The following HDAC4 variants were observed in gnomAD, a reference collection of about 807,000 sequenced individuals.
The protein encoded by HDAC4 is histone deacetylase 4, also known as histone deacetylase A.
A neutral mutation model predicts 135.1 loss-of-function variants in HDAC4; 16 were observed. That is an observed-to-expected ratio of 0.12 (90% confidence interval 0.08 to 0.18). HDAC4 has a LOEUF of 0.18. Among genes scored for constraint, HDAC4 ranks in the 10% least tolerant of loss-of-function variants. HDAC4 has a pLI of 1.00. For synonymous variants in HDAC4, 685 were observed against 653.4 expected, an observed-to-expected ratio of 1.05 and a Z score of -0.74; for missense variants, 1,143 against 1,511.8, an observed-to-expected ratio of 0.76 and a Z score of 4.05.
At chr2:239,289,001 C>A (rs934651909) in intron 2 of HDAC4, among the ~76,000 whole-genome samples, 1 of 152,196 alleles carries the variant, frequency 6.6e-6, no homozygotes, top group South Asian at 2.1e-4. Flanking sequence ...CAGGGGAGTG[C>A]GGCTGCAGCG....
intron 19 of HDAC4, among the ~76,000 whole-genome samples, chr2:239,084,562 C>A (rs1559394243): frequency 6.6e-6 from 1 of 151,778 alleles, no homozygotes. Context: ...CATGCACACA[C>A]CCCACACAGA....
At position 239,240,487 on chromosome 2, in the gene HDAC4, C is replaced by A. The variant is rs1282487109; in HGVS notation, c.23-3823G>T. The stretch of plus-strand genomic sequence containing the variant: ...CTGAGGAGAAAGCGGTGCTAAGAAC[C>A]CAGCGTTTACAAGCAGGAAAATAAT... On this transcript the variant is annotated intron_variant, in intron 2 of 26. Transcript: ENST00000543185. The surrounding 1 kb of genome is among the most constrained non-coding windows in gnomAD (Gnocchi z 4.5). Among the ~76,000 whole-genome samples, 1 of 152,144 alleles carries A rather than the reference C, an allele frequency of 6.6e-6. No homozygotes were observed. The highest frequency in any genetic ancestry group is 1.5e-5 in the Non-Finnish European group (1 of 68,036).
In HDAC4 at chr2:239,125,237, G is replaced by A. The variant is rs189179653; in HGVS notation, c.1533+1219C>T. On this transcript the variant is annotated intron_variant, in intron 12 of 26. Coordinates refer to ENST00000543185, the MANE Select transcript of HDAC4 (RefSeq NM_001378414.1). ...GATTTGGCATGAACGGCTGAACACC[G>A]TCTGTTGGTGCTGTCCTCACTGTAA... Among the ~76,000 whole-genome samples the A allele has an allele frequency of 4.6e-3, 696 of 152,348 alleles. 4 individuals carry two copies. The highest frequency in any genetic ancestry group is 0.016 in the African/African-American group (670 of 41,576).
chr2:239,271,792 C>A (rs972771717), intron 2 of HDAC4, among the ~76,000 whole-genome samples: 2 of 152,174 alleles, frequency 1.3e-5, no homozygotes, highest in Non-Finnish European at 2.9e-5. Flanking sequence ...GATGGCTCCA[C>A]GTCCCATAAT....
At chr2:239,283,963 A>T (rs1179765412) in intron 2 of HDAC4, among the ~76,000 whole-genome samples, 4 of 152,214 alleles carry the variant, frequency 2.6e-5, no homozygotes, top group Admixed American at 6.5e-5. Context: ...CTGCCTCGGG[A>T]TCTACAGCGG....
At chr2:239,371,679 G>T (rs117200298) in intron 1 of HDAC4, among the ~76,000 whole-genome samples, 1 of 152,172 alleles carries the variant, frequency 6.6e-6, no homozygotes, top group South Asian at 2.1e-4. Context: ...ACACACACAC[G>T]TGTGTGGCAA....
intron 3 of HDAC4, 68 bp from the exon 4 acceptor site, chr2:239,190,145 C>A (rs2044824477): frequency 6.5e-7 from 1 of 1,541,878 alleles, no homozygotes; most frequent in South Asian, 1.2e-5. Context: ...CCAGAGCCCC[C>A]ACCCAACACA....
chr2:239,386,165 G>C (rs1474914619), intron 1 of HDAC4, among the ~76,000 whole-genome samples: 1 of 152,026 alleles, frequency 6.6e-6, no homozygotes, highest in Non-Finnish European at 1.5e-5. Context: ...AGGGAAGAGA[G>C]GCTGGGGCCT....
chr2:239,185,377 T>G (rs1170596910), intron 4 of HDAC4, among the ~76,000 whole-genome samples: 1 of 151,250 alleles, frequency 6.6e-6, no homozygotes, highest in African/African-American at 2.4e-5. Flanking sequence ...ACATGTGCCC[T>G]GCAGGGGGTG....
At chr2:239,128,386 A>G (rs4852023) in intron 11 of HDAC4, among the ~76,000 whole-genome samples, 129,401 of 152,082 alleles carry the variant, frequency 0.85, 55,233 homozygotes, top group East Asian at 0.92. Context: ...AAAATCAGCC[A>G]TGTATGGTGG....
intron 5 of HDAC4, among the ~76,000 whole-genome samples, chr2:239,164,379 C>T (rs868139831): frequency 1.3e-5 from 2 of 152,212 alleles, no homozygotes; most frequent in African/African-American, 2.4e-5. Context: ...ACACCTGCGC[C>T]GACATGACGG....
At chr2:239,286,123 A>AT (rs2051122113) in intron 2 of HDAC4, among the ~76,000 whole-genome samples, 2 of 152,224 alleles carry the variant, frequency 1.3e-5, no homozygotes, top group Admixed American at 6.5e-5. Flanking sequence ...ATTCACTATC[A>AT]TTTTCCCCAT....
chr2:239,216,709 T>A (rs1458486008), intron 3 of HDAC4, among the ~76,000 whole-genome samples: 2 of 152,126 alleles, frequency 1.3e-5, no homozygotes, highest in African/African-American at 2.4e-5. Flanking sequence ...CTGCACTCCT[T>A]CCTCCTGTGG....
intron 7 of HDAC4, among the ~76,000 whole-genome samples, chr2:239,147,138 C>G (rs2041819620): frequency 6.6e-6 from 1 of 152,216 alleles, no homozygotes; most frequent in Non-Finnish European, 1.5e-5. Context: ...GATTGAGCAG[C>G]AGCACGTGGA....
chr2:239,366,907 T>G lies in HDAC4; in HGVS notation c.-219-13989A>C, dbSNP rs1289672293. 2.0e-5 allele frequency among the ~76,000 whole-genome samples: 3 copies of G among 148,766 alleles called. 1 individual carries two copies. Among genetic ancestry groups the G allele is most frequent in the African/African-American group, 5.2e-5 (2 of 38,180 alleles). ...CAGTACCAGACTAAGTAAGGAAAGA[T>G]CTCTTCCACCATAACCACCATGCAC... On this transcript the variant is annotated intron_variant, in intron 1 of 26. Transcript: ENST00000543185.
intron 16 of HDAC4, 139 bp downstream of exon 16, chr2:239,102,637 G>C: frequency 1.1e-6 from 1 of 912,730 alleles, no homozygotes; most frequent in South Asian, 1.5e-5. Context: ...GAGGGTGAAA[G>C]GTTCCCTTTC....
intron 1 of HDAC4, among the ~76,000 whole-genome samples, chr2:239,379,499 C>T (rs1412762262): frequency 8.5e-5 from 13 of 152,324 alleles, no homozygotes; most frequent in African/African-American, 2.9e-4. Context: ...TCTGCTCCTT[C>T]TTACCCAAGG....
At chr2:239,188,281 C>T (rs1177509833) in intron 4 of HDAC4, among the ~76,000 whole-genome samples, 2 of 152,220 alleles carry the variant, frequency 1.3e-5, no homozygotes, top group East Asian at 1.9e-4. Context: ...AGTCTACAGA[C>T]AACTGATACT....
At chr2:239,072,052 G>A (rs1162745176) in intron 22 of HDAC4, among the ~76,000 whole-genome samples, 1 of 152,046 alleles carries the variant, frequency 6.6e-6, no homozygotes, top group Non-Finnish European at 1.5e-5. Context: ...TTTCTTTGGG[G>A]CATTGTCCCC....
Sources: allele counts gnomAD v4.1 joint callset (sites outside exome capture counted in the v4.1 genomes callset), GRCh38; gene constraint gnomAD v4.1.1; non-coding constraint Gnocchi (gnomAD v3.1); transcripts MANE v1.5; gene names NCBI Gene and HGNC (gene_info 2026-07-23, HGNC 2026-07-21).